Variants in CSMD1 observed in about 807,000 individuals in gnomAD.
CSMD1 encodes CUB and Sushi multiple domains 1.
In CSMD1, 213 loss-of-function variants were observed where a neutral mutation model predicts 417.5. The ratio of observed to expected loss-of-function variants is 0.51; its 90% confidence interval spans 0.46 to 0.57. The LOEUF is 0.57. Among genes scored for constraint, CSMD1 ranks in the 20% least tolerant of loss-of-function variants. CSMD1 has a pLI of 0.00. For missense variants in CSMD1, 6,923 were observed against 4,529.7 expected, an observed-to-expected ratio of 1.53 and a Z score of -15.17; for synonymous variants, 2,862 against 1,736.8, an observed-to-expected ratio of 1.65 and a Z score of -16.11.
chr8:4,448,392 C>T (rs771694787), intron 2 of CSMD1, among the ~76,000 whole-genome samples: 32 of 152,160 alleles, frequency 2.1e-4, no homozygotes, highest in Non-Finnish European at 3.5e-4. Context: ...TGTCCAACTC[C>T]TACTTTCAGT....
intron 57 of CSMD1, among the ~76,000 whole-genome samples, chr8:2,967,923 G>A (rs1483085703): frequency 6.6e-6 from 1 of 152,100 alleles, no homozygotes; most frequent in South Asian, 2.1e-4. Context: ...AATACAAAGT[G>A]CACACGCTGG....
chr8:3,355,015 C>T (rs1207425441), intron 21 of CSMD1, among the ~76,000 whole-genome samples: 2 of 109,242 alleles, frequency 1.8e-5, no homozygotes, highest in Non-Finnish European at 3.7e-5. Flanking sequence ...AATTAAAATA[C>T]AGGCAAGATA....
chr8:4,358,507 C>A (rs890415517), intron 3 of CSMD1, among the ~76,000 whole-genome samples: 10 of 152,196 alleles, frequency 6.6e-5, no homozygotes, highest in Non-Finnish European at 1.3e-4. Flanking sequence ...TTTTGCGATA[C>A]CAGCAGAGCT....
chr8:4,794,089 C>CT (rs1482829787), intron 1 of CSMD1, among the ~76,000 whole-genome samples: 9 of 152,168 alleles, frequency 5.9e-5, no homozygotes, highest in Non-Finnish European at 5.9e-5. Context: ...CTCAAAACTT[C>CT]TGGAGATAAG....
intron 3 of CSMD1, among the ~76,000 whole-genome samples, chr8:4,157,416 G>A (rs752411381): frequency 7.2e-5 from 11 of 152,036 alleles, no homozygotes; most frequent in Non-Finnish European, 1.3e-4. Flanking sequence ...TTCTATTTTC[G>A]TCCTTTTTCT....
chr8:4,293,809 G>A (rs1178961539), intron 3 of CSMD1, among the ~76,000 whole-genome samples: 2 of 152,156 alleles, frequency 1.3e-5, no homozygotes, highest in African/African-American at 2.4e-5. Context: ...AAATGAACAT[G>A]CATTTCTAAG....
chr8:4,201,139 T>C (rs933739563), intron 3 of CSMD1, among the ~76,000 whole-genome samples: 1 of 152,198 alleles, frequency 6.6e-6, no homozygotes, highest in African/African-American at 2.4e-5. Flanking sequence ...ACAGATACCT[T>C]TGTAGAATTA....
intron 1 of CSMD1, among the ~76,000 whole-genome samples, chr8:4,894,343 G>A (rs1332550510): frequency 6.6e-6 from 1 of 151,388 alleles, no homozygotes; most frequent in South Asian, 2.1e-4. Context: ...CTAATTCACT[G>A]CTTGTAGATT....
intron 12 of CSMD1, among the ~76,000 whole-genome samples, chr8:3,417,488 T>A (rs576800621): frequency 6.6e-6 from 1 of 152,340 alleles, no homozygotes; most frequent in Admixed American, 6.5e-5. Context: ...TTTTCTCATG[T>A]GCTATTTGAC....
intron 5 of CSMD1, among the ~76,000 whole-genome samples, chr8:3,886,901 G>C (rs575753962): frequency 4.6e-5 from 7 of 152,130 alleles, no homozygotes; most frequent in Non-Finnish European, 8.8e-5. Context: ...GATTCACTGA[G>C]CATAAACACA....
chr8:3,769,935 A>G (rs890316246), intron 5 of CSMD1, among the ~76,000 whole-genome samples: 1 of 152,244 alleles, frequency 6.6e-6, no homozygotes, highest in African/African-American at 2.4e-5. Context: ...GCTCTTTACA[A>G]AAAATAGGCT....
intron 4 of CSMD1, among the ~76,000 whole-genome samples, chr8:3,999,439 C>T (rs987839904): frequency 6.6e-6 from 1 of 152,178 alleles, no homozygotes; most frequent in African/African-American, 2.4e-5. Context: ...TTTCTTTCAT[C>T]TTTCAGCGAT....
At chr8:4,137,853 G>T (rs1186101503) in intron 3 of CSMD1, among the ~76,000 whole-genome samples, 1 of 134,550 alleles carries the variant, frequency 7.4e-6, no homozygotes, top group African/African-American at 2.6e-5. Flanking sequence ...TTACCTTTTG[G>T]ATGCCTTACA....
intron 38 of CSMD1, among the ~76,000 whole-genome samples, chr8:3,159,911 A>G (rs974597062): frequency 3.9e-5 from 6 of 152,222 alleles, no homozygotes; most frequent in African/African-American, 1.4e-4. Context: ...CAGAATCTGC[A>G]AAGTCTCACC....
At chr8:4,255,460 A>T (rs1803388459) in intron 3 of CSMD1, among the ~76,000 whole-genome samples, 1 of 152,222 alleles carries the variant, frequency 6.6e-6, no homozygotes, top group African/African-American at 2.4e-5. Flanking sequence ...TATAAAAATG[A>T]TTCTATAAAG....
chr8:3,454,107 C>T (rs1390958289), intron 12 of CSMD1, among the ~76,000 whole-genome samples: 3 of 152,128 alleles, frequency 2.0e-5, no homozygotes, highest in Non-Finnish European at 4.4e-5. Context: ...GGTTTAAAGT[C>T]TGTTTTATCA....
intron 62 of CSMD1, 69 bp from the exon 63 acceptor site, chr8:2,957,876 G>GA: frequency 9.7e-7 from 1 of 1,032,108 alleles, no homozygotes; most frequent in Non-Finnish European, 1.5e-6. Flanking sequence ...AGTGATACCT[G>GA]AAAGTACACG....
At chr8:3,803,224 C>A (rs1464690375) in intron 5 of CSMD1, among the ~76,000 whole-genome samples, 1 of 152,132 alleles carries the variant, frequency 6.6e-6, no homozygotes, top group African/African-American at 2.4e-5. Context: ...GACTTGTGTG[C>A]CAACCCCCAT....
At chr8:3,307,443 G>T (rs1030774583) in intron 25 of CSMD1, among the ~76,000 whole-genome samples, 2 of 152,074 alleles carry the variant, frequency 1.3e-5, no homozygotes, top group African/African-American at 2.4e-5. Flanking sequence ...AAATTTGGGG[G>T]ATAGTTTGTT....
Sources: allele counts gnomAD v4.1 joint callset (sites outside exome capture counted in the v4.1 genomes callset), GRCh38; gene constraint gnomAD v4.1.1; transcripts MANE v1.5; gene names NCBI Gene and HGNC (gene_info 2026-07-23, HGNC 2026-07-21).